Variants in CDH8 observed in about 807,000 individuals in gnomAD.
CDH8 encodes the protein cadherin-8.
Under a neutral mutation model 68.1 loss-of-function variants are expected in CDH8, and 17 were observed. The ratio of observed to expected loss-of-function variants is 0.25; its 90% CI spans 0.17 to 0.37. The LOEUF (loss-of-function observed/expected upper bound fraction) is 0.37, where lower values mean the gene tolerates loss of function less well. CDH8 is among the 10% of genes least tolerant of loss of function. The pLI, the probability that CDH8 is intolerant of heterozygous loss-of-function variation, is 1.00. For synonymous variants in CDH8, 372 were observed against 365.1 expected (o/e 1.02, Z -0.21); for missense variants, 763 against 999.3 (o/e 0.76, Z 3.19).
intron 4 of CDH8, among the ~76,000 whole-genome samples, chr16:61,856,231 T>A (rs1963044594): frequency 6.6e-6 from 1 of 152,038 alleles, no homozygotes; most frequent in African/African-American, 2.4e-5. Flanking sequence ...AATTTTTCTA[T>A]TTGGAAACTT....
rs898145560 is a variant in CDH8 at position 61,718,017 on chromosome 16, G to A, written c.1537-4059C>T. ...TGTGTATGTACATGTGGGTGTATAC[G>A]TATGTGTGAGTGTGTATAAAATGTC... On this transcript the variant is annotated intron_variant, in intron 9 of 11. Transcript: ENST00000577390. 1.1e-4 allele frequency among the ~76,000 whole-genome samples: 16 copies of A among 151,360 alleles called. No individual in the cohort carries two copies. The South Asian group carries it at 2.5e-3, about 24-fold the overall frequency.
intron 10 of CDH8, among the ~76,000 whole-genome samples, chr16:61,705,979 A>G (rs1964522300): frequency 6.6e-6 from 1 of 152,196 alleles, no homozygotes; most frequent in South Asian, 2.1e-4. Flanking sequence ...TTTATTTCCA[A>G]TTCCAATTCT....
intron 2 of CDH8, among the ~76,000 whole-genome samples, chr16:61,917,968 CTTT>C (rs71390381): frequency 1.2e-3 from 158 of 131,776 alleles, no homozygotes; most frequent in Admixed American, 2.0e-3. Context: ...AAGTTATTTG[CTTT>C]TTTTTTTTTT....
At chr16:61,747,064 C>T (rs1011786085) in intron 8 of CDH8, among the ~76,000 whole-genome samples, 2 of 151,996 alleles carry the variant, frequency 1.3e-5, no homozygotes, top group East Asian at 1.9e-4. Flanking sequence ...ACATTAAATG[C>T]CTTGGATATA....
intron 3 of CDH8, among the ~76,000 whole-genome samples, chr16:61,871,928 G>A (rs1284419078): frequency 2.7e-5 from 4 of 146,186 alleles, no homozygotes; most frequent in African/African-American, 1.0e-4. Flanking sequence ...ACAAAGCACA[G>A]TATGTCAGAA....
chr16:61,916,746 G>A (rs1365568739), intron 2 of CDH8, among the ~76,000 whole-genome samples: 2 of 152,034 alleles, frequency 1.3e-5, no homozygotes, highest in Non-Finnish European at 2.9e-5. Context: ...CAGGAGTTAG[G>A]GGAGAATATC....
In CDH8 at chr16:61,899,119, C is replaced by T. The variant is rs1204174404; in HGVS notation, c.547+2060G>A. 3.9e-5 allele frequency among the ~76,000 whole-genome samples: 6 copies of T among 152,130 alleles called. No homozygotes were observed. The East Asian group carries it at 1.2e-3, about 29-fold the overall frequency. ...CATTAGGTATTTATCCTAACGCTATCCCTCCTCTGGCTCCCCACACCCTGA... is the reference window on the plus strand; with the variant it reads ...CATTAGGTATTTATCCTAACGCTATTCCTCCTCTGGCTCCCCACACCCTGA... On this transcript the variant is annotated intron_variant, in intron 3 of 11. Coordinates refer to ENST00000577390, the MANE Select transcript of CDH8 (RefSeq NM_001796.5).
rs1567485973 is a variant in CDH8, at chr16:61,821,042, G to C, written c.907C>G (p.Gln303Glu). The change falls in exon 6 of 12, where the codon CAG (glutamine) becomes GAG (glutamate). Residue 303 changes from glutamine (Q) to glutamate (E), a missense_variant. Physicochemically the swap from Gln to Glu is conservative, Grantham distance 29. Transcript: ENST00000577390. ...TAIGRVKANDQDIGENAQSSY... is the reference protein window; with the variant it reads ...TAIGRVKANDEDIGENAQSSY... ...GACTGTGCATTTTCACCAATATCCT[G>C]ATCATTGGCCTTCACCCTTCCTATT... 5 of 1,612,656 alleles carry C rather than the reference G, an allele frequency of 3.1e-6. No individual in the cohort carries two copies. Among genetic ancestry groups the C allele is most frequent in the Non-Finnish European group, 4.2e-6 (5 of 1,179,094 alleles).
At chr16:61,937,297 CATG>C (rs1373515363) in intron 2 of CDH8, among the ~76,000 whole-genome samples, 1 of 152,088 alleles carries the variant, frequency 6.6e-6, no homozygotes. Context: ...CTTACTATAG[CATG>C]ATTTCTACCA....
intron 2 of CDH8, among the ~76,000 whole-genome samples, chr16:61,922,830 A>G (rs1437013983): frequency 1.3e-5 from 2 of 152,194 alleles, no homozygotes; most frequent in Non-Finnish European, 2.9e-5. Context: ...TATAAATCAC[A>G]TACAAATTTA....
At chr16:61,751,401 A>C (rs924929796) in intron 8 of CDH8, among the ~76,000 whole-genome samples, 2 of 150,182 alleles carry the variant, frequency 1.3e-5, no homozygotes, top group Admixed American at 6.7e-5. Flanking sequence ...AAAAAAAAAA[A>C]AAAAAAAAAA....
In CDH8 at chr16:61,651,593, T is replaced by C. The variant is rs1963325366; in HGVS notation, c.*2015A>G. On this transcript the variant is annotated 3_prime_UTR_variant, in exon 12 of 12. Coordinates refer to ENST00000577390, the MANE Select transcript of CDH8 (RefSeq NM_001796.5). The stretch of plus-strand genomic sequence containing the variant: ...GAGGACCACAGCCTGACTGCTTTAA[T>C]GGATGTGTTTTCACTCTAGAACCCC... 6.6e-6 allele frequency: 1 copy of C among 152,240 alleles called. No individual in the cohort carries two copies. Among genetic ancestry groups the C allele is most frequent in the Non-Finnish European group, 1.5e-5 (1 of 68,072 alleles). The allele number at this position is 152,240 out of a possible 1,614,324, so 9.4% of individuals were successfully genotyped here.
At chr16:61,721,089 G>T (rs1959213240) in intron 9 of CDH8, among the ~76,000 whole-genome samples, 1 of 150,536 alleles carries the variant, frequency 6.6e-6, no homozygotes, top group Non-Finnish European at 1.5e-5. Flanking sequence ...CATTTAGATT[G>T]TTCAAGCTCC....
rs542605832 is a variant in CDH8 at position 61,910,366 on chromosome 16, A to C, written c.253-8893T>G. 2.7e-5 allele frequency among the ~76,000 whole-genome samples: 4 copies of C among 150,370 alleles called. No individual in the cohort carries two copies. In the East Asian group the frequency reaches 7.8e-4, roughly 29 times the overall value. On this transcript the variant is annotated intron_variant, in intron 2 of 11. Transcript: ENST00000577390. ...AAAAAAAAAAAAGGCAACAGAAATC[A>C]CTTCTTTGGATACATATTTTCTTAT...
chr16:61,723,460 C>T (rs1026280968), intron 9 of CDH8, among the ~76,000 whole-genome samples: 3 of 150,718 alleles, frequency 2.0e-5, no homozygotes, highest in African/African-American at 7.3e-5. Flanking sequence ...GAAACTTGTC[C>T]TATATTAAGA....
At chr16:61,782,308 G>A (rs1275546695) in intron 8 of CDH8, among the ~76,000 whole-genome samples, 3 of 152,156 alleles carry the variant, frequency 2.0e-5, no homozygotes, top group Admixed American at 6.5e-5. Flanking sequence ...TTCCCTTTCC[G>A]AGTCAAAGAA....
chr16:62,019,709 T>A lies in CDH8; in HGVS notation c.252+1443A>T, dbSNP rs193296045. The stretch of plus-strand genomic sequence containing the variant: ...CAAGGATACAAAAAAATCTTTCAGA[T>A]TTTACACTTTGAACTTAGGACAGAG... On this transcript the variant is annotated intron_variant, in intron 2 of 11. Coordinates refer to ENST00000577390, the MANE Select transcript of CDH8 (RefSeq NM_001796.5). 4.6e-4 allele frequency among the ~76,000 whole-genome samples: 70 copies of A among 152,258 alleles called. 1 individual carries two copies. The East Asian group carries it at 0.011, about 24-fold the overall frequency.
intron 7 of CDH8, among the ~76,000 whole-genome samples, chr16:61,795,510 T>C (rs563743327): frequency 6.6e-6 from 1 of 152,252 alleles, no homozygotes; most frequent in Admixed American, 6.5e-5. Context: ...GGAGAAAATC[T>C]ACTTCACAAG....
Position 61,919,373 on chromosome 16 carries a change from C to T in CDH8, c.253-17900G>A, listed in dbSNP as rs993346851. Among the ~76,000 whole-genome samples, 44 of 147,510 alleles carry T rather than the reference C, an allele frequency of 3.0e-4. 2 individuals carry two copies. Among genetic ancestry groups the T allele is most frequent in the East Asian group, 6.6e-4 (3 of 4,520 alleles). On this transcript the variant is annotated intron_variant, in intron 2 of 11. Coordinates refer to ENST00000577390, the MANE Select transcript of CDH8 (RefSeq NM_001796.5). ...CAGACGATCAAATTACTCCAAGCTA[C>T]GGGAGGACATTCAAACCAAAGGCAA...
Sources: allele counts gnomAD v4.1 joint callset (sites outside exome capture counted in the v4.1 genomes callset), GRCh38; gene constraint gnomAD v4.1.1; transcripts MANE v1.5; gene names NCBI Gene and HGNC (gene_info 2026-07-23, HGNC 2026-07-21).